REEP3: variants seen among roughly 807,000 people sequenced by gnomAD.
The protein encoded by REEP3 is receptor accessory protein 3.
Under a neutral mutation model 41.3 loss-of-function variants are expected in REEP3, and 20 were observed. That is an observed-to-expected ratio of 0.48 (90% CI 0.34 to 0.70). The LOEUF is 0.70. Among genes scored for constraint, REEP3 ranks in the 30% least tolerant of loss-of-function variants. The probability of loss-of-function intolerance (pLI) is 0.01; values close to 1 mark genes in which losing one functional copy is unlikely to be tolerated. For synonymous variants in REEP3, 104 were observed against 101.8 expected, an observed-to-expected ratio of 1.02 and a Z score of -0.13; for missense variants, 271 against 308.8, an observed-to-expected ratio of 0.88 and a Z score of 0.92.
At chr10:63,586,192 G>C (rs565157439) in intron 2 of REEP3, among the ~76,000 whole-genome samples, 1 of 152,282 alleles carries the variant, frequency 6.6e-6, no homozygotes, top group African/African-American at 2.4e-5. Flanking sequence ...TCCTTTGAGA[G>C]AGTGAAGCTA....
At chr10:63,591,582 C>T (rs1419033266) in intron 2 of REEP3, among the ~76,000 whole-genome samples, 2 of 152,178 alleles carry the variant, frequency 1.3e-5, no homozygotes, top group Non-Finnish European at 2.9e-5. Flanking sequence ...AAGTTGAAGC[C>T]TTTTCTCTCT....
chr10:63,523,801 G>A (rs1362526068), intron 1 of REEP3, among the ~76,000 whole-genome samples: 1 of 152,230 alleles, frequency 6.6e-6, no homozygotes, highest in Non-Finnish European at 1.5e-5. Context: ...AGCTGGAAAG[G>A]TAGCCTGGGG....
At chr10:63,616,777 A>G (rs893455999) in intron 6 of REEP3, among the ~76,000 whole-genome samples, 1 of 152,220 alleles carries the variant, frequency 6.6e-6, no homozygotes, top group African/African-American at 2.4e-5. Flanking sequence ...GATCAGGAAT[A>G]CTATATAAGC....
chr10:63,523,645 A>C (rs1955323526), intron 1 of REEP3, among the ~76,000 whole-genome samples: 1 of 152,154 alleles, frequency 6.6e-6, no homozygotes, highest in South Asian at 2.1e-4. Flanking sequence ...CAGAAAAAAA[A>C]CAAAAAAGAA....
At position 63,601,718 on chromosome 10, in the gene REEP3, A is replaced by G. The variant is rs373332365; in HGVS notation, c.417+2435A>G. ...TGGATCACCTGAGGTCAGGAGTTCA[A>G]GACCATCCTGGCCAACGTGGTGAAA... On this transcript the variant is annotated intron_variant, in intron 5 of 7. Coordinates refer to ENST00000373758, the MANE Select transcript of REEP3 (RefSeq NM_001001330.3). 2.5e-3 allele frequency among the ~76,000 whole-genome samples: 376 copies of G among 152,286 alleles called. 4 individuals carry two copies. The highest frequency in any genetic ancestry group is 8.8e-3 in the African/African-American group (365 of 41,556).
intron 1 of REEP3, among the ~76,000 whole-genome samples, chr10:63,564,421 G>A (rs1355854147): frequency 5.3e-5 from 8 of 152,032 alleles, no homozygotes; most frequent in Non-Finnish European, 1.0e-4. Flanking sequence ...TCAGGAGTTC[G>A]AGACCAGCCT....
chr10:63,580,142 T>A (rs1203405826), intron 2 of REEP3, among the ~76,000 whole-genome samples: 1 of 152,078 alleles, frequency 6.6e-6, no homozygotes, highest in East Asian at 1.9e-4. Flanking sequence ...GTTGTTGTTG[T>A]TGTTTTGAGG....
At chr10:63,580,022 A>G (rs954785185) in intron 2 of REEP3, among the ~76,000 whole-genome samples, 5 of 152,228 alleles carry the variant, frequency 3.3e-5, no homozygotes, top group Non-Finnish European at 2.9e-5. Context: ...ATCATTGACT[A>G]TAAGAGAAAT....
At chr10:63,616,618 A>T (rs1469060959) in intron 6 of REEP3, among the ~76,000 whole-genome samples, 3 of 152,226 alleles carry the variant, frequency 2.0e-5, no homozygotes, top group African/African-American at 4.8e-5. Context: ...ATTCCTAATC[A>T]TACAAAATGA....
intron 6 of REEP3, among the ~76,000 whole-genome samples, chr10:63,616,378 T>G (rs1444306406): frequency 6.6e-6 from 1 of 152,220 alleles, no homozygotes; most frequent in Non-Finnish European, 1.5e-5. Context: ...TATTGGACTC[T>G]AAATTTTTTG....
chr10:63,544,333 T>C (rs1955557482), intron 1 of REEP3, among the ~76,000 whole-genome samples: 1 of 152,200 alleles, frequency 6.6e-6, no homozygotes, highest in South Asian at 2.1e-4. Context: ...TGATGATTGA[T>C]ATTAACAGGG....
chr10:63,617,812 CT>C (rs60910642), intron 6 of REEP3, among the ~76,000 whole-genome samples: 5,252 of 83,450 alleles, frequency 0.063, 325 homozygotes, highest in East Asian at 0.11. Flanking sequence ...TCCTTCTACT[CT>C]TTTTTTTTTT....
chr10:63,525,001 G>C (rs1051221093), intron 1 of REEP3, among the ~76,000 whole-genome samples: 4 of 91,572 alleles, frequency 4.4e-5, no homozygotes, highest in Non-Finnish European at 6.6e-5. Flanking sequence ...AACAGAGCAA[G>C]ACTCTGTCTC....
At position 63,617,561 on chromosome 10, in the gene REEP3, G is replaced by A. The variant is rs559688978; in HGVS notation, c.566-2094G>A. On this transcript the variant is annotated intron_variant, in intron 6 of 7. Transcript: ENST00000373758. ...ACTACAGGTGCACAACACCATACCCGGCTAATTTTTGTATTTTTTGTAGAG... is the reference window on the plus strand; with the variant it reads ...ACTACAGGTGCACAACACCATACCCAGCTAATTTTTGTATTTTTTGTAGAG... Among the ~76,000 whole-genome samples, 6 of 151,976 alleles carry A rather than the reference G, an allele frequency of 3.9e-5. No homozygotes were observed. The East Asian group carries it at 1.2e-3, about 29-fold the overall frequency.
rs561949675 is a variant in REEP3, at chr10:63,580,760, C to T, written c.106-14018C>T. ...TGGGCCAGGCACAATGGCTCATGCC[C>T]GTAATCCCAGCACTTTGGGAGGCCA... On this transcript the variant is annotated intron_variant, in intron 2 of 7. Transcript: ENST00000373758. Among the ~76,000 whole-genome samples the T allele has an allele frequency of 8.5e-5, 13 of 152,210 alleles. No individual in the cohort carries two copies. In the East Asian group the frequency reaches 1.4e-3, roughly 16 times the overall value.
In REEP3 at chr10:63,532,523, G is replaced by A. The variant is rs184338580; in HGVS notation, c.32+10946G>A. ...TAAAAATACAAAAAATTATCCGGGCGTGTTGGCGGGCGCCTGTAATCCCAG... is the reference window on the plus strand; with the variant it reads ...TAAAAATACAAAAAATTATCCGGGCATGTTGGCGGGCGCCTGTAATCCCAG... On this transcript the variant is annotated intron_variant, in intron 1 of 7. Transcript: ENST00000373758. Among the ~76,000 whole-genome samples, 418 of 152,010 alleles carry A rather than the reference G, an allele frequency of 2.7e-3. 2 individuals are homozygous for A. The highest frequency in any genetic ancestry group is 9.1e-3 in the African/African-American group (377 of 41,456).
chr10:63,540,594 GC>G (rs1379496839), intron 1 of REEP3, among the ~76,000 whole-genome samples: 1 of 152,122 alleles, frequency 6.6e-6, no homozygotes, highest in African/African-American at 2.4e-5. Context: ...AAAGACAGAT[GC>G]TTTTTAGAAT....
intron 2 of REEP3, among the ~76,000 whole-genome samples, chr10:63,574,880 C>CA (rs35193134): frequency 0.2 from 18,605 of 91,472 alleles, 3,000 homozygotes; most frequent in Middle Eastern, 0.38. Context: ...TTTTTTGAGA[C>CA]AGAGTCTCGC....
intron 2 of REEP3, among the ~76,000 whole-genome samples, 200 bp downstream of exon 2, chr10:63,566,610 T>G (rs911618745): frequency 5.3e-5 from 8 of 152,220 alleles, no homozygotes; most frequent in Admixed American, 3.9e-4. Context: ...AGTGTATGGT[T>G]CCCAAGATGA....
Sources: gnomAD v4.1 joint callset for allele counts (sites outside exome capture counted in the v4.1 genomes callset) on GRCh38, gnomAD v4.1.1 for gene constraint, MANE v1.5 for transcripts, NCBI Gene and HGNC (gene_info 2026-07-23, HGNC 2026-07-21) for gene names.